TLR4: variants seen among roughly 807,000 people sequenced by gnomAD.
TLR4 encodes the protein toll-like receptor 4.
Under a neutral mutation model 27.4 loss-of-function variants are expected in TLR4, and 17 were observed. The ratio of observed to expected loss-of-function variants is 0.62; its 90% CI spans 0.42 to 0.93. TLR4 has a LOEUF of 0.93. Among genes scored for constraint, TLR4 ranks in the 40% least tolerant of loss-of-function variants. The pLI, the probability that TLR4 is intolerant of heterozygous loss-of-function variation, is 0.00. For missense variants in TLR4, 926 were observed against 962.3 expected (o/e 0.96, Z 0.50); for synonymous variants, 363 against 365.7 (o/e 0.99, Z 0.08).
intron 1 of TLR4, among the ~76,000 whole-genome samples, chr9:117,707,581 C>A (rs1829156077): frequency 6.6e-6 from 1 of 152,142 alleles, no homozygotes; most frequent in African/African-American, 2.4e-5. Context: ...GAAATGAGAG[C>A]ATTCAGAAAT....
rs1301893074 is a variant in TLR4, at chr9:117,722,748, TG to T, written c.*8103del. On this transcript the variant is annotated 3_prime_UTR_variant, in exon 3 of 3. Transcript: ENST00000355622. ...GGGCTCAGGTCTCTCATTTGTAAAA[TG>T]GGACATTTAGGTCAGATCAGCATTT... 6.6e-6 allele frequency: 1 copy of T among 152,164 alleles called. No individual in the cohort carries two copies. Among genetic ancestry groups the T allele is most frequent in the Non-Finnish European group, 1.5e-5 (1 of 68,016 alleles). 9.4% of individuals were successfully genotyped at this position (152,164 alleles called of 1,614,324 possible). A position where few individuals can be genotyped will look rare whatever the true frequency, so the allele number is the denominator to read the frequency against.
rs1056986595 is a variant in TLR4, at chr9:117,704,443, G to C, written c.-30G>C. On this transcript the variant is annotated 5_prime_UTR_variant, in exon 1 of 3. Transcript: ENST00000355622. Reference sequence around the variant, plus strand: ...GCCACGCATTCACAGGGCCACTGCTGCTCACAGAAGCAGTGAGGATGATGC... The same window carrying C: ...GCCACGCATTCACAGGGCCACTGCTCCTCACAGAAGCAGTGAGGATGATGC... 7 of 1,592,682 alleles carry C rather than the reference G, an allele frequency of 4.4e-6. No individual in the cohort carries two copies. Among genetic ancestry groups the C allele is most frequent in the Non-Finnish European group, 8.6e-7 (1 of 1,164,550 alleles).
rs988950970 is a variant in TLR4, at chr9:117,720,669, G to A, written c.*6021G>A. The stretch of plus-strand genomic sequence containing the variant: ...TGCTCCTAGGAAACTATCTCACTAT[G>A]TAATTAAATCAAAACCAGCCAGTTA... On this transcript the variant is annotated 3_prime_UTR_variant, in exon 3 of 3. Coordinates refer to ENST00000355622, the MANE Select transcript of TLR4 (RefSeq NM_138554.5). 3 of 152,176 alleles carry A rather than the reference G, an allele frequency of 2.0e-5. No homozygotes were observed. Among genetic ancestry groups the A allele is most frequent in the African/African-American group, 7.2e-5 (3 of 41,432 alleles). The allele number at this position is 152,176 out of a possible 1,614,324, so 9.4% of individuals were successfully genotyped here. A position where few individuals can be genotyped will look rare whatever the true frequency, so the allele number is the denominator to read the frequency against.
In TLR4 at chr9:117,713,563, G is replaced by T; in HGVS notation, c.1435G>T (p.Ala479Ser). The change falls in exon 3 of 3, where the codon GCT (alanine) becomes TCT (serine). Residue 479 changes from alanine (A) to serine (S), a missense_variant. Coordinates refer to ENST00000355622, the MANE Select transcript of TLR4 (RefSeq NM_138554.5). ...GLSSLEVLKM[A>S]GNSFQENFLP... ...GTCCAGTCTCGAAGTCTTGAAAATG[G>T]CTGGCAATTCTTTCCAGGAAAACTT... The T allele has an allele frequency of 6.2e-7, 1 of 1,614,028 alleles. No homozygotes were observed. The highest frequency in any genetic ancestry group is 1.1e-5 in the South Asian group (1 of 91,076).
chr9:117,709,882 T>C (rs941899879), intron 2 of TLR4, among the ~76,000 whole-genome samples: 9 of 152,082 alleles, frequency 5.9e-5, no homozygotes, highest in Non-Finnish European at 1.2e-4. Flanking sequence ...CCAACCTTTA[T>C]AACCATGTAA....
rs1254916800 is a variant in TLR4, at chr9:117,722,483, G to T, written c.*7835G>T. 1.3e-5 allele frequency: 2 copies of T among 152,196 alleles called. No homozygotes were observed. The highest frequency in any genetic ancestry group is 2.9e-5 in the Non-Finnish European group (2 of 68,050). The allele number at this position is 152,196 out of a possible 1,614,324, so 9.4% of individuals were successfully genotyped here. On this transcript the variant is annotated 3_prime_UTR_variant, in exon 3 of 3. Coordinates refer to ENST00000355622, the MANE Select transcript of TLR4 (RefSeq NM_138554.5). ...AGAGCACTTTTGAAATTAATGGCAGGGGATGAATATCTGGCTAGTGCTGTG... is the reference window on the plus strand; with the variant it reads ...AGAGCACTTTTGAAATTAATGGCAGTGGATGAATATCTGGCTAGTGCTGTG...
chr9:117,706,125 C>G (rs986330685), intron 1 of TLR4, among the ~76,000 whole-genome samples: 1 of 152,144 alleles, frequency 6.6e-6, no homozygotes, highest in Non-Finnish European at 1.5e-5. Flanking sequence ...ACATTTACCA[C>G]ACTTCTCAAT....
rs776586453 is a variant in TLR4 at position 117,721,122 on chromosome 9, A to C, written c.*6474A>C. On this transcript the variant is annotated 3_prime_UTR_variant, in exon 3 of 3. Transcript: ENST00000355622. ...TTATAGATTTAGAGAGTGCAAATGC[A>C]GTTTTGTTACATGAATATATTGCAT... The C allele has an allele frequency of 6.6e-6, 1 of 152,210 alleles. No individual in the cohort carries two copies. Among genetic ancestry groups the C allele is most frequent in the African/African-American group, 2.4e-5 (1 of 41,454 alleles). 9.4% of individuals were successfully genotyped at this position (152,210 alleles called of 1,614,324 possible).
At chr9:117,710,933 T>C (rs570363662) in intron 2 of TLR4, among the ~76,000 whole-genome samples, 7 of 152,136 alleles carry the variant, frequency 4.6e-5, no homozygotes, top group South Asian at 2.1e-4. Context: ...TGTAATGATA[T>C]AGAGACACAG....
chr9:117,712,948 A>C lies in TLR4; in HGVS notation c.820A>C (p.Lys274Gln). Reference sequence around the variant, plus strand: ...TGAAGGAAACTTGGAAAAGTTTGACAAATCTGCTCTAGAGGGCCTGTGCAA... The same window carrying C: ...TGAAGGAAACTTGGAAAAGTTTGACCAATCTGCTCTAGAGGGCCTGTGCAA... ...RNEGNLEKFD[K>Q]SALEGLCNLT... is the part of the protein sequence containing the mutation. Residue 274 changes from lysine to glutamine, a missense_variant, in exon 3 of 3, where the codon AAA becomes CAA. By Grantham distance (53) the Lys-to-Gln change is moderately conservative. Coordinates refer to ENST00000355622, the MANE Select transcript of TLR4 (RefSeq NM_138554.5). 3 of 1,614,158 alleles carry C rather than the reference A, an allele frequency of 1.9e-6. No homozygotes were observed. The highest frequency in any genetic ancestry group is 2.5e-6 in the Non-Finnish European group (3 of 1,179,992).
rs1425663631 is a variant in TLR4 at position 117,720,225 on chromosome 9, C to G, written c.*5577C>G. On this transcript the variant is annotated 3_prime_UTR_variant, in exon 3 of 3. Transcript: ENST00000355622. Reference sequence around the variant, plus strand: ...AATCAGGATATGAACTTGGGTTGGCCTGATTCTTGGGGCTGCATTCTTTCC... The same window carrying G: ...AATCAGGATATGAACTTGGGTTGGCGTGATTCTTGGGGCTGCATTCTTTCC... The G allele has an allele frequency of 6.6e-6, 1 of 152,086 alleles. No individual in the cohort carries two copies. The highest frequency in any genetic ancestry group is 6.6e-5 in the Admixed American group (1 of 15,264). 9.4% of individuals were successfully genotyped at this position (152,086 alleles called of 1,614,324 possible).
rs1342432912 is a variant in TLR4 at position 117,718,883 on chromosome 9, G to A, written c.*4235G>A. On this transcript the variant is annotated 3_prime_UTR_variant, in exon 3 of 3. Transcript: ENST00000355622. ...ACAGAAGTGACTGTAACTAAAATTA[G>A]ACATTTCTTTCTGATTCATTCTCTA... 1.3e-5 allele frequency: 2 copies of A among 152,148 alleles called. No individual in the cohort carries two copies. The highest frequency in any genetic ancestry group is 6.6e-5 in the Admixed American group (1 of 15,264). 9.4% of individuals were successfully genotyped at this position (152,148 alleles called of 1,614,324 possible). A position where few individuals can be genotyped will look rare whatever the true frequency, so the allele number is the denominator to read the frequency against.
rs1829264305 is a variant in TLR4 at position 117,713,006 on chromosome 9, T to C, written c.878T>C (p.Leu293Ser). 6.8e-6 allele frequency: 11 copies of C among 1,614,056 alleles called. No homozygotes were observed. The highest frequency in any genetic ancestry group is 8.5e-6 in the Non-Finnish European group (10 of 1,179,922). Reference sequence around the variant, plus strand: ...ATTGAAGAATTCCGATTAGCATACTTAGACTACTACCTCGATGATATTATT... The same window carrying C: ...ATTGAAGAATTCCGATTAGCATACTCAGACTACTACCTCGATGATATTATT... ...LTIEEFRLAY[L>S]DYYLDDIIDL... is the part of the protein sequence containing the mutation. The change falls in exon 3 of 3, where the codon TTA becomes TCA. Residue 293 changes from leucine to serine, a missense_variant. Leu to Ser is a moderately radical substitution (Grantham distance 145). Transcript: ENST00000355622.
intron 1 of TLR4, among the ~76,000 whole-genome samples, chr9:117,705,122 A>AAG (rs111996409): frequency 0.023 from 3,536 of 151,876 alleles, 147 homozygotes; most frequent in African/African-American, 0.081. Context: ...GAAAAAGGAA[A>AAG]AGAGAGAGAG....
In TLR4 at chr9:117,722,078, A is replaced by G. The variant is rs1250947686; in HGVS notation, c.*7430A>G. The G allele has an allele frequency of 1.3e-5, 2 of 152,192 alleles. No homozygotes were observed. Among genetic ancestry groups the G allele is most frequent in the Admixed American group, 6.5e-5 (1 of 15,268 alleles). 9.4% of individuals were successfully genotyped at this position (152,192 alleles called of 1,614,324 possible). On this transcript the variant is annotated 3_prime_UTR_variant, in exon 3 of 3. Coordinates refer to ENST00000355622, the MANE Select transcript of TLR4 (RefSeq NM_138554.5). ...TAGCTGAGACCCCACATAAATATAT[A>G]CCAGAAAAATGTTGTGGTCTTTTCT...
chr9:117,708,446 T>C (rs1399155427), intron 1 of TLR4, 117 bp from the exon 2 acceptor site: 3 of 1,586,798 alleles, frequency 1.9e-6, no homozygotes, highest in African/African-American at 1.4e-5. Flanking sequence ...GGATGAAAGG[T>C]TGACTGAATT....
chr9:117,707,101 A>G lies in TLR4; in HGVS notation c.94-1462A>G, dbSNP rs1209495274. ...TGGAATACAGGAGATGAACAATACG[A>G]TGAGAACAATCAGATAGACAACATA... On this transcript the variant is annotated intron_variant, in intron 1 of 2. Coordinates refer to ENST00000355622, the MANE Select transcript of TLR4 (RefSeq NM_138554.5). 1.1e-4 allele frequency among the ~76,000 whole-genome samples: 16 copies of G among 152,322 alleles called. No homozygotes were observed. In the East Asian group the frequency reaches 2.5e-3, roughly 24 times the overall value.
Position 117,717,550 on chromosome 9 carries a change from A to T in TLR4, c.*2902A>T, listed in dbSNP as rs368563108. 1 of 152,202 alleles carries T rather than the reference A, an allele frequency of 6.6e-6. No homozygotes were observed. Among genetic ancestry groups the T allele is most frequent in the African/African-American group, 2.4e-5 (1 of 41,460 alleles). The allele number at this position is 152,202 out of a possible 1,614,324, so 9.4% of individuals were successfully genotyped here. A position where few individuals can be genotyped will look rare whatever the true frequency, so the allele number is the denominator to read the frequency against. ...CATAACTGACCATGAAACCTGGGAA[A>T]GTGAAACTGTGGATAAGTGAGGAAC... On this transcript the variant is annotated 3_prime_UTR_variant, in exon 3 of 3. Coordinates refer to ENST00000355622, the MANE Select transcript of TLR4 (RefSeq NM_138554.5).
chr9:117,714,480 G>C lies in TLR4; in HGVS notation c.2352G>C (p.Glu784Asp). Reference sequence around the variant, plus strand: ...AGACCCTGCTCAGGCAGCAGGTGGAGCTGTACCGCCTTCTCAGCAGGAACA... The same window carrying C: ...AGACCCTGCTCAGGCAGCAGGTGGACCTGTACCGCCTTCTCAGCAGGAACA... ...VEKTLLRQQVELYRLLSRNTY... is the reference protein window; with the variant it reads ...VEKTLLRQQVDLYRLLSRNTY... Residue 784 changes from glutamate to aspartate, a missense_variant, in exon 3 of 3, where the codon GAG (glutamate) becomes GAC (aspartate). By Grantham distance (45) the Glu-to-Asp change is conservative. Transcript: ENST00000355622. 1 of 1,613,816 alleles carries C rather than the reference G, an allele frequency of 6.2e-7. No homozygotes were observed. The highest frequency in any genetic ancestry group is 8.5e-7 in the Non-Finnish European group (1 of 1,180,012).
Sources: allele counts gnomAD v4.1 joint callset (sites outside exome capture counted in the v4.1 genomes callset), GRCh38; gene constraint gnomAD v4.1.1; transcripts MANE v1.5; gene names NCBI Gene and HGNC (gene_info 2026-07-23, HGNC 2026-07-21).